The following UGT1A7 variants were observed in gnomAD, a reference collection of about 807,000 sequenced individuals.
UGT1A7 encodes the protein UDP-glucuronosyltransferase 1A7.
UGT1A7 carries 33 observed loss-of-function variants against 45.6 expected under a neutral mutation model. The ratio of observed to expected loss-of-function variants is 0.72; its 90% CI spans 0.55 to 0.97. The LOEUF (loss-of-function observed/expected upper bound fraction) is 0.97. Ranked by LOEUF, UGT1A7 falls within the 50% of genes least tolerant of loss-of-function variation. The pLI is 0.00. For synonymous variants in UGT1A7, 274 were observed against 250.6 expected, an observed-to-expected ratio of 1.09 and a Z score of -0.88; for missense variants, 684 against 666.2, an observed-to-expected ratio of 1.03 and a Z score of -0.29.
intron 1 of UGT1A7, among the ~76,000 whole-genome samples, chr2:233,683,661 A>G (rs956582405): frequency 3.3e-5 from 5 of 152,054 alleles, no homozygotes; most frequent in Admixed American, 1.3e-4. Context: ...AAAGTATTTC[A>G]TCTTTCTTAT....
chr2:233,704,379 G>A (rs1421348597), intron 1 of UGT1A7, among the ~76,000 whole-genome samples: 2 of 150,778 alleles, frequency 1.3e-5, no homozygotes, highest in South Asian at 2.1e-4. Context: ...TTAGCACATC[G>A]ATTTTAACTT....
intron 1 of UGT1A7, chr2:233,713,474 G>T (rs779583012): frequency 1.2e-6 from 2 of 1,614,060 alleles, no homozygotes; most frequent in South Asian, 2.2e-5. Context: ...CGGCGGTGCT[G>T]GCTAAGTACC....
intron 1 of UGT1A7, chr2:233,719,479 T>A: frequency 1.9e-6 from 3 of 1,614,024 alleles, no homozygotes; most frequent in Non-Finnish European, 2.5e-6. Flanking sequence ...CCTCTGGCCC[T>A]GTCCTACATT....
intron 1 of UGT1A7, chr2:233,743,955 C>T (rs752795670): frequency 9.0e-6 from 12 of 1,339,906 alleles, no homozygotes; most frequent in African/African-American, 3.0e-5. Context: ...ACTGGCACAG[C>T]GAGCGGCAAG....
chr2:233,729,873 C>A, intron 1 of UGT1A7: 1 of 1,613,864 alleles, frequency 6.2e-7, no homozygotes, highest in Non-Finnish European at 8.5e-7. Context: ...TGGATATTCT[C>A]AGTCATGCAT....
chr2:233,724,874 C>A (rs370433880), intron 1 of UGT1A7, among the ~76,000 whole-genome samples: 1 of 128,396 alleles, frequency 7.8e-6, no homozygotes, highest in Non-Finnish European at 1.6e-5. Flanking sequence ...TTGTAGTGAG[C>A]GGAGATCACG....
chr2:233,705,123 C>T (rs1488231635), intron 1 of UGT1A7, among the ~76,000 whole-genome samples: 3 of 130,446 alleles, frequency 2.3e-5, no homozygotes, highest in Non-Finnish European at 3.1e-5. Flanking sequence ...GGGACAAGAG[C>T]GAGACTTCGT....
At chr2:233,707,260 G>A (rs1461655680) in intron 1 of UGT1A7, among the ~76,000 whole-genome samples, 2 of 151,950 alleles carry the variant, frequency 1.3e-5, no homozygotes, top group Non-Finnish European at 1.5e-5. Flanking sequence ...TTCTTCATCA[G>A]CATTTATTTT....
rs116347049 is a variant in UGT1A7 at position 233,716,695 on chromosome 2, T to C, written c.855+33903T>C. The stretch of plus-strand genomic sequence containing the variant: ...ACCCCAAGATATAGTTTCTACATTC[T>C]CTTAAAAACACTAAAGAGTTCCAGT... On this transcript the variant is annotated intron_variant, in intron 1 of 4. Transcript: ENST00000373426. 4.9e-3 allele frequency among the ~76,000 whole-genome samples: 749 copies of C among 152,322 alleles called. 4 individuals carry two copies. The highest frequency in any genetic ancestry group is 0.017 in the African/African-American group (721 of 41,564).
At chr2:233,737,982 G>T (rs1690650423) in intron 1 of UGT1A7, among the ~76,000 whole-genome samples, 2 of 151,994 alleles carry the variant, frequency 1.3e-5, no homozygotes, top group South Asian at 4.2e-4. Flanking sequence ...AATATGGTTT[G>T]GCTCTGTGTC....
intron 1 of UGT1A7, among the ~76,000 whole-genome samples, chr2:233,704,140 C>G (rs1322869617): frequency 6.6e-6 from 1 of 152,114 alleles, no homozygotes; most frequent in Non-Finnish European, 1.5e-5. Flanking sequence ...ATCCACCCGC[C>G]TCAGCCTTTC....
chr2:233,770,662 A>G (rs1700129154), intron 4 of UGT1A7: 1 of 140,356 alleles, frequency 7.1e-6, no homozygotes, highest in Non-Finnish European at 1.6e-5. Context: ...CGTCTTACTT[A>G]AAAAAAAAAA....
chr2:233,712,122 A>C (rs776169880), intron 1 of UGT1A7, among the ~76,000 whole-genome samples: 9 of 152,356 alleles, frequency 5.9e-5, no homozygotes, highest in Non-Finnish European at 1.0e-4. Flanking sequence ...GACTTGCAGA[A>C]GACTGGAGCC....
intron 1 of UGT1A7, chr2:233,718,773 C>A: frequency 6.2e-7 from 1 of 1,612,848 alleles, no homozygotes. Flanking sequence ...ACAAATGTAG[C>A]AGGCACAGCG....
chr2:233,766,919 C>T, intron 1 of UGT1A7, 115 bp from the exon 2 acceptor site: 7 of 1,549,656 alleles, frequency 4.5e-6, no homozygotes, highest in Non-Finnish European at 6.1e-6. Context: ...CTATCTCAAA[C>T]ACGCATGCCT....
intron 1 of UGT1A7, among the ~76,000 whole-genome samples, chr2:233,749,893 C>T (rs141027223): frequency 6.6e-6 from 1 of 151,938 alleles, no homozygotes; most frequent in African/African-American, 2.4e-5. Context: ...GAGGCTCCCC[C>T]CTCCAGCCAC....
chr2:233,711,841 A>G (rs2076200002), intron 1 of UGT1A7, among the ~76,000 whole-genome samples: 1 of 152,206 alleles, frequency 6.6e-6, no homozygotes, highest in Non-Finnish European at 1.5e-5. Flanking sequence ...AGGCGTCAGC[A>G]ATCTTGCCAA....
In UGT1A7 at chr2:233,754,989, C is replaced by G. The variant is rs749655557; in HGVS notation, c.856-12045C>G. On this transcript the variant is annotated intron_variant, in intron 1 of 4. Coordinates refer to ENST00000373426, the MANE Select transcript of UGT1A7 (RefSeq NM_019077.3). ...CTCCCTGAAGACCTCGGCGGGGTCACGGAAGCTGAAGACCTACTCGAAGGG... is the reference window on the plus strand; with the variant it reads ...CTCCCTGAAGACCTCGGCGGGGTCAGGGAAGCTGAAGACCTACTCGAAGGG... 2.3e-6 allele frequency: 3 copies of G among 1,296,678 alleles called. No individual in the cohort carries two copies. The South Asian group carries it at 3.5e-5, about 15-fold the overall frequency. The allele number at this position is 1,296,678 out of a possible 1,614,324, so 80.3% of individuals were successfully genotyped here. A position where few individuals can be genotyped will look rare whatever the true frequency, so the allele number is the denominator to read the frequency against.
At chr2:233,759,599 A>ACCCCCCCCCCCCCCCC (rs1553620419) in intron 1 of UGT1A7, among the ~76,000 whole-genome samples, 4 of 108,738 alleles carry the variant, frequency 3.7e-5, no homozygotes, top group East Asian at 3.1e-4. Flanking sequence ...CCCACCCCCG[A>ACCCCCCCCCCCCCCCC]CCCGCCCCAC....
Sources: allele counts gnomAD v4.1 joint callset (sites outside exome capture counted in the v4.1 genomes callset), GRCh38; gene constraint gnomAD v4.1.1; transcripts MANE v1.5; gene names NCBI Gene and HGNC (gene_info 2026-07-23, HGNC 2026-07-21).